The following CYP4A11 variants were observed in gnomAD, a reference collection of about 807,000 sequenced individuals.
CYP4A11 encodes cytochrome P450 family 4 subfamily A member 11.
In CYP4A11, 52 loss-of-function variants were observed where a neutral mutation model predicts 57.7. That is an observed-to-expected ratio of 0.90 (90% CI 0.72 to 1.14). CYP4A11 has a LOEUF of 1.14. CYP4A11 is among the 50% of genes most tolerant of loss of function. The pLI is 0.00. For synonymous variants in CYP4A11, 228 were observed against 247.1 expected (o/e 0.92, Z 0.72); for missense variants, 641 against 642.1 (o/e 1.00, Z 0.02).
At chr1:46,939,979 A>C (rs1368071975) in intron 1 of CYP4A11, among the ~76,000 whole-genome samples, 2 of 149,784 alleles carry the variant, frequency 1.3e-5, no homozygotes, top group Non-Finnish European at 3.0e-5. Flanking sequence ...AATAGGCCTC[A>C]GTTCCCTGCA....
In CYP4A11 at chr1:46,929,903, C is replaced by T. The variant is rs1339378023; in HGVS notation, c.*212G>A. ...GGCCTCAGCTTCTCCCAACACTCAGCTTTTCTCCCAACAAGAGATACAGGT... is the reference window on the plus strand; with the variant it reads ...GGCCTCAGCTTCTCCCAACACTCAGTTTTTCTCCCAACAAGAGATACAGGT... On this transcript the variant is annotated 3_prime_UTR_variant, in exon 12 of 12. Transcript: ENST00000310638. The T allele has an allele frequency of 4.3e-4, 271 of 624,414 alleles. No homozygotes were observed. The African/African-American group carries it at 4.5e-3, about 10-fold the overall frequency. The allele number at this position is 624,414 out of a possible 1,614,324, so 38.7% of individuals were successfully genotyped here.
chr1:46,937,389 A>G (rs781391145), intron 2 of CYP4A11, 43 bp from the exon 3 acceptor site: 4 of 1,599,318 alleles, frequency 2.5e-6, no homozygotes, highest in African/African-American at 2.7e-5. Flanking sequence ...AGGAGTTACT[A>G]AGAAGGCAGT....
intron 1 of CYP4A11, among the ~76,000 whole-genome samples, chr1:46,939,631 C>T (rs1681627940): frequency 1.3e-5 from 2 of 152,234 alleles, no homozygotes; most frequent in Non-Finnish European, 2.9e-5. Flanking sequence ...TAACACTGCT[C>T]TGGCCTCTTG....
At position 46,936,798 on chromosome 1, in the gene CYP4A11, G is replaced by C. The variant is rs774744305; in HGVS notation, c.383-7C>G. The C allele has an allele frequency of 2.5e-6, 4 of 1,588,358 alleles. No homozygotes were observed. Among genetic ancestry groups the C allele is most frequent in the East Asian group, 4.5e-5 (2 of 44,068 alleles). ...AACAGGAGCAAGCCGTACCCTAAGAGAGACATGAATGTGTGTTTGTGTGTG... is the reference window on the plus strand; with the variant it reads ...AACAGGAGCAAGCCGTACCCTAAGACAGACATGAATGTGTGTTTGTGTGTG... On this transcript the variant is annotated splice_region_variant and splice_polypyrimidine_tract_variant and intron_variant, in intron 3 of 11. Transcript: ENST00000310638.
rs148022251 is a variant in CYP4A11, at chr1:46,934,222, G to A, written c.1042C>T (p.Arg348Trp). The A allele has an allele frequency of 1.3e-4, 215 of 1,613,650 alleles. No individual in the cohort carries two copies. The highest frequency in any genetic ancestry group is 1.7e-4 in the Non-Finnish European group (197 of 1,179,864). ...CCCAGGAGGCTGTGGATCTCCTCCC[G>A]GCACCTCTCCTGATGCTTGGGGTGT... ...ATHPKHQERC[R>W]EEIHSLLGDG... is the part of the protein sequence containing the mutation. The change falls in exon 8 of 12, where the codon CGG becomes TGG. Residue 348 changes from arginine (R) to tryptophan (W), a missense_variant. Transcript: ENST00000310638.
intron 1 of CYP4A11, among the ~76,000 whole-genome samples, chr1:46,940,011 T>A (rs1234188320): frequency 1.3e-5 from 2 of 151,838 alleles, no homozygotes; most frequent in Non-Finnish European, 2.9e-5. Flanking sequence ...TACTTAAGTG[T>A]GTTCAATTCA....
chr1:46,938,546 T>C (rs1156441501), intron 1 of CYP4A11, among the ~76,000 whole-genome samples: 1 of 152,248 alleles, frequency 6.6e-6, no homozygotes, highest in Non-Finnish European at 1.5e-5. Context: ...ATACTTGTTA[T>C]ATTTTCAATA....
chr1:46,938,537 T>C lies in CYP4A11; in HGVS notation c.196-400A>G, dbSNP rs1197298741. 5.9e-5 allele frequency among the ~76,000 whole-genome samples: 9 copies of C among 152,232 alleles called. 1 individual carries two copies. In the East Asian group the frequency reaches 1.7e-3, roughly 29 times the overall value. ...ATTACACAATGCCTTTATATAATCA[T>C]ACTTGTTATATTTTCAATATTATCC... is the stretch of plus-strand genomic sequence containing the variant. On this transcript the variant is annotated intron_variant, in intron 1 of 11. Coordinates refer to ENST00000310638, the MANE Select transcript of CYP4A11 (RefSeq NM_000778.4).
At chr1:46,932,623 C>T (rs1681091485) in intron 11 of CYP4A11, 138 bp downstream of exon 11, 2 of 1,571,318 alleles carry the variant, frequency 1.3e-6, no homozygotes, top group Admixed American at 1.7e-5. Flanking sequence ...ACACCAGGTG[C>T]CTGACTTTCC....
rs777269446 is a variant in CYP4A11, at chr1:46,941,447, C to A, written c.-14G>T. On this transcript the variant is annotated 5_prime_UTR_variant, in exon 1 of 12. Transcript: ENST00000310638. ...AGAGACACTCATGGTGCAGCACCTGCTGGATCTCTGAGTGCCCCTACCTCT... is the reference window on the plus strand; with the variant it reads ...AGAGACACTCATGGTGCAGCACCTGATGGATCTCTGAGTGCCCCTACCTCT... 3.1e-6 allele frequency: 5 copies of A among 1,611,110 alleles called. No homozygotes were observed. Among genetic ancestry groups the A allele is most frequent in the Admixed American group, 1.7e-5 (1 of 59,908 alleles).
intron 1 of CYP4A11, chr1:46,940,670 G>A: frequency 1.0e-6 from 1 of 985,352 alleles, no homozygotes; most frequent in Non-Finnish European, 1.2e-6. Context: ...CGTGAGTCTT[G>A]GGGAAACTTA....
Position 46,933,091 on chromosome 1 carries a change from T to C in CYP4A11, c.1223-44A>G, listed in dbSNP as rs140991322. On this transcript the variant is annotated intron_variant, in intron 9 of 11. Transcript: ENST00000310638. ...ACAGAGAGAAGACCAATCATTTGCATGGGGTGGCCTGGTACTTCAGCCAGC... is the reference window on the plus strand; with the variant it reads ...ACAGAGAGAAGACCAATCATTTGCACGGGGTGGCCTGGTACTTCAGCCAGC... 76 of 1,610,104 alleles carry C rather than the reference T, an allele frequency of 4.7e-5. 1 individual carries two copies. The East Asian group carries it at 1.6e-3, about 34-fold the overall frequency.
intron 1 of CYP4A11, among the ~76,000 whole-genome samples, chr1:46,940,407 A>T (rs974005176): frequency 1.3e-5 from 2 of 152,198 alleles, no homozygotes; most frequent in Non-Finnish European, 2.9e-5. Flanking sequence ...CTTGCTCTAC[A>T]CACCTGAGCT....
rs755195275 is a variant in CYP4A11 at position 46,932,734 on chromosome 1, T to C, written c.1364+27A>G. 13 of 1,613,996 alleles carry C rather than the reference T, an allele frequency of 8.1e-6. No homozygotes were observed. In the African/African-American group the frequency reaches 1.3e-4, roughly 17 times the overall value. ...ACCAGAGACTTCCCTCATTCCTCTA[T>C]TCGAATTACCACACAGGACGTCTCA... On this transcript the variant is annotated intron_variant, in intron 11 of 11. Transcript: ENST00000310638.
intron 1 of CYP4A11, among the ~76,000 whole-genome samples, chr1:46,939,105 T>C (rs1167311168): frequency 6.6e-6 from 1 of 152,204 alleles, no homozygotes; most frequent in African/African-American, 2.4e-5. Flanking sequence ...CTCAAAGACA[T>C]TGGGTCCTAG....
At chr1:46,930,601 G>A (rs1305752572) in intron 11 of CYP4A11, among the ~76,000 whole-genome samples, 5 of 152,224 alleles carry the variant, frequency 3.3e-5, no homozygotes, top group African/African-American at 4.8e-5. Context: ...CTAAGGCACA[G>A]AGTCTAATCA....
At chr1:46,933,902 G>C in intron 9 of CYP4A11, 44 bp downstream of exon 9, 1 of 1,609,248 alleles carries the variant, frequency 6.2e-7, no homozygotes. Flanking sequence ...CCCTCCACAC[G>C]TCCCTGTGGA....
intron 1 of CYP4A11, chr1:46,940,775 A>G: frequency 1.0e-6 from 1 of 985,386 alleles, no homozygotes; most frequent in African/African-American, 1.7e-5. Flanking sequence ...ACCTTCTCAA[A>G]TTCCTGCCTG....
At chr1:46,930,388 C>A (rs1322249657) in intron 11 of CYP4A11, 78 bp from the exon 12 acceptor site, 11 of 1,510,098 alleles carry the variant, frequency 7.3e-6, no homozygotes, top group Non-Finnish European at 7.2e-6. Context: ...GCCCCTGACC[C>A]CAGCCCTGAG....
Sources: gnomAD v4.1 joint callset for allele counts (sites outside exome capture counted in the v4.1 genomes callset) on GRCh38, gnomAD v4.1.1 for gene constraint, MANE v1.5 for transcripts, NCBI Gene and HGNC (gene_info 2026-07-23, HGNC 2026-07-21) for gene names.